Variants in PKNOX2 observed in about 807,000 individuals in gnomAD.
PKNOX2 encodes the protein homeobox protein PKNOX2.
Under a neutral mutation model 53.1 loss-of-function variants are expected in PKNOX2, and 14 were observed. The ratio of observed to expected loss-of-function variants is 0.26; its 90% CI spans 0.17 to 0.41. PKNOX2 has a LOEUF of 0.41. PKNOX2 is among the 10% of genes least tolerant of loss of function. The probability of loss-of-function intolerance (pLI) is 1.00; values close to 1 mark genes in which losing one functional copy is unlikely to be tolerated. For synonymous variants in PKNOX2, 257 were observed against 242.8 expected (o/e 1.06, Z -0.54); for missense variants, 496 against 602.8 (o/e 0.82, Z 1.85).
intron 2 of PKNOX2, among the ~76,000 whole-genome samples, chr11:125,242,840 T>C (rs765459173): frequency 1.3e-5 from 2 of 152,146 alleles, no homozygotes; most frequent in Non-Finnish European, 2.9e-5. Context: ...GTCCCCATCA[T>C]GCTCTGCTGA....
intron 9 of PKNOX2, 57 bp downstream of exon 9, chr11:125,410,933 C>T (rs1237910651): frequency 4.2e-6 from 6 of 1,433,650 alleles, no homozygotes; most frequent in South Asian, 1.2e-5. Flanking sequence ...CACCTGTAAT[C>T]GCTTCTTATC....
At chr11:125,312,923 A>G (rs150525745) in intron 2 of PKNOX2, among the ~76,000 whole-genome samples, 94 of 152,316 alleles carry the variant, frequency 6.2e-4, no homozygotes, top group African/African-American at 2.2e-3. Context: ...CAGAGAAAAC[A>G]GCATTTAAAG....
intron 4 of PKNOX2, among the ~76,000 whole-genome samples, chr11:125,362,585 G>A (rs1951984241): frequency 6.6e-6 from 1 of 152,066 alleles, no homozygotes; most frequent in South Asian, 2.1e-4. Flanking sequence ...TGTCCAGGCT[G>A]GTCTTGAACT....
intron 4 of PKNOX2, among the ~76,000 whole-genome samples, chr11:125,365,791 C>A (rs548163543): frequency 6.6e-6 from 1 of 152,332 alleles, no homozygotes; most frequent in Non-Finnish European, 1.5e-5. Flanking sequence ...GCCAGGCTCT[C>A]ATGGAAAATA....
At position 125,370,214 on chromosome 11, in the gene PKNOX2, T is replaced by A. The variant is rs1056307671; in HGVS notation, c.227+2229T>A. On this transcript the variant is annotated intron_variant, in intron 5 of 12. Coordinates refer to ENST00000298282, the MANE Select transcript of PKNOX2 (RefSeq NM_001382323.2). This position sits in a 1 kb window ranked among gnomAD's most constrained non-coding sequence, Gnocchi z 4.1. Reference sequence around the variant, plus strand: ...GATGGAACCTAAGCAGCAGACTTGATAAGAATCAATGAGACGGCCCGTGGA... The same window carrying A: ...GATGGAACCTAAGCAGCAGACTTGAAAAGAATCAATGAGACGGCCCGTGGA... Among the ~76,000 whole-genome samples the A allele has an allele frequency of 6.6e-6, 1 of 152,102 alleles. No homozygotes were observed. Among genetic ancestry groups the A allele is most frequent in the Non-Finnish European group, 1.5e-5 (1 of 68,030 alleles).
chr11:125,273,563 T>C (rs946292515), intron 2 of PKNOX2, among the ~76,000 whole-genome samples: 2 of 152,062 alleles, frequency 1.3e-5, no homozygotes, highest in African/African-American at 4.8e-5. Context: ...GCCTTGTGGT[T>C]TTGTGAGTTC....
intron 1 of PKNOX2, among the ~76,000 whole-genome samples, chr11:125,178,375 G>A (rs894882026): frequency 8.6e-5 from 13 of 151,942 alleles, no homozygotes; most frequent in African/African-American, 2.7e-4. Context: ...GCCAGGCATT[G>A]TGGCACATGC....
At chr11:125,195,520 T>C (rs543848632) in intron 1 of PKNOX2, among the ~76,000 whole-genome samples, 1 of 151,980 alleles carries the variant, frequency 6.6e-6, no homozygotes, top group African/African-American at 2.4e-5. Context: ...TCCTGGTTTG[T>C]GTGGAGGCCA....
At chr11:125,310,244 C>T (rs1172066561) in intron 2 of PKNOX2, among the ~76,000 whole-genome samples, 2 of 152,086 alleles carry the variant, frequency 1.3e-5, no homozygotes, top group Non-Finnish European at 2.9e-5. Flanking sequence ...CACCTGTAAT[C>T]CCAGCACTTT....
At chr11:125,348,704 C>A (rs1010388483) in intron 3 of PKNOX2, among the ~76,000 whole-genome samples, 2 of 152,208 alleles carry the variant, frequency 1.3e-5, no homozygotes, top group Admixed American at 1.3e-4. Flanking sequence ...AATGACCCTG[C>A]CTTCCATTCA....
intron 2 of PKNOX2, among the ~76,000 whole-genome samples, chr11:125,295,437 C>T (rs1172536292): frequency 1.3e-5 from 2 of 152,166 alleles, no homozygotes; most frequent in African/African-American, 4.8e-5. Flanking sequence ...TGCATGTGTC[C>T]ATACACATGT....
intron 2 of PKNOX2, among the ~76,000 whole-genome samples, chr11:125,237,577 G>T (rs777533893): frequency 9.9e-5 from 15 of 152,158 alleles, no homozygotes; most frequent in Non-Finnish European, 2.1e-4. Flanking sequence ...GGGGTGATTT[G>T]TTCTCCCTAG....
rs138127829 is a variant in PKNOX2 at position 125,171,913 on chromosome 11, G to A, written c.-201+7137G>A. On this transcript the variant is annotated intron_variant, in intron 1 of 12. Transcript: ENST00000298282. ...ACAATACACAGACCTGAGAGATGAT[G>A]GACAGAGAGGTGACGTGGAAAAAGC... Among the ~76,000 whole-genome samples the A allele has an allele frequency of 3.7e-4, 57 of 152,290 alleles. No homozygotes were observed. The East Asian group carries it at 7.5e-3, about 20-fold the overall frequency.
At chr11:125,268,039 TG>T (rs1945494860) in intron 2 of PKNOX2, among the ~76,000 whole-genome samples, 3 of 152,202 alleles carry the variant, frequency 2.0e-5, no homozygotes, top group Non-Finnish European at 4.4e-5. Flanking sequence ...GAGAAAACTT[TG>T]CCAACAACTC....
At chr11:125,411,905 G>A (rs1955572274) in intron 10 of PKNOX2, 40 bp downstream of exon 10, 5 of 1,612,680 alleles carry the variant, frequency 3.1e-6, no homozygotes, top group Non-Finnish European at 4.2e-6. Flanking sequence ...TCCCGGCATG[G>A]GGTATGAATA....
chr11:125,374,845 T>C (rs907592465), intron 5 of PKNOX2, among the ~76,000 whole-genome samples: 6 of 149,260 alleles, frequency 4.0e-5, no homozygotes, highest in Non-Finnish European at 8.9e-5. Context: ...GAATGGTATC[T>C]ACATTCATGA....
At chr11:125,405,880 G>T (rs1387491102) in intron 7 of PKNOX2, among the ~76,000 whole-genome samples, 1 of 152,200 alleles carries the variant, frequency 6.6e-6, no homozygotes, top group East Asian at 1.9e-4. Context: ...GTTTCCAGAG[G>T]CTTGGGGACA....
At position 125,241,349 on chromosome 11, in the gene PKNOX2, T is replaced by C. The variant is rs543657477; in HGVS notation, c.-130+6234T>C. On this transcript the variant is annotated intron_variant, in intron 2 of 12. Transcript: ENST00000298282. ...GGACTATCCTCAGCCTGGGCGGCCC[T>C]TGCTCATTTATCTCCTCTGTGACTT... Among the ~76,000 whole-genome samples the C allele has an allele frequency of 3.3e-5, 5 of 152,302 alleles. No individual in the cohort carries two copies. In the South Asian group the frequency reaches 1.0e-3, roughly 32 times the overall value.
At chr11:125,342,277 C>T (rs539086539) in intron 3 of PKNOX2, among the ~76,000 whole-genome samples, 1 of 152,200 alleles carries the variant, frequency 6.6e-6, no homozygotes, top group East Asian at 1.9e-4. Context: ...ACCCTTTTAG[C>T]TCCGCTGGCT....
Sources: allele counts gnomAD v4.1 joint callset (sites outside exome capture counted in the v4.1 genomes callset), GRCh38; gene constraint gnomAD v4.1.1; non-coding constraint Gnocchi (gnomAD v3.1); transcripts MANE v1.5; gene names NCBI Gene and HGNC (gene_info 2026-07-23, HGNC 2026-07-21).